COMMD1: variants seen among roughly 807,000 people sequenced by gnomAD.
COMMD1 encodes copper metabolism domain containing 1, also known as COMM domain-containing protein 1.
A neutral mutation model predicts 17.2 loss-of-function variants in COMMD1; 10 were observed. The observed-to-expected ratio is 0.58, with a 90% CI of 0.36 to 0.99. The LOEUF is 0.99. Ranked by LOEUF, COMMD1 falls within the 50% of genes least tolerant of loss-of-function variation. The probability of loss-of-function intolerance (pLI) is 0.01; values close to 1 mark genes in which losing one functional copy is unlikely to be tolerated. For synonymous variants in COMMD1, 97 were observed against 91.6 expected, an observed-to-expected ratio of 1.06 and a Z score of -0.34; for missense variants, 270 against 231.8, an observed-to-expected ratio of 1.17 and a Z score of -1.07.
At chr2:61,943,327 C>A (rs1420489441) in intron 1 of COMMD1, among the ~76,000 whole-genome samples, 1 of 152,162 alleles carries the variant, frequency 6.6e-6, no homozygotes, top group East Asian at 1.9e-4. Context: ...CTGAGAGGGA[C>A]CACTCTCCTT....
At chr2:62,056,317 A>G (rs975035446) in intron 2 of COMMD1, among the ~76,000 whole-genome samples, 10 of 152,224 alleles carry the variant, frequency 6.6e-5, no homozygotes, top group African/African-American at 2.2e-4. Context: ...CAGAGCACAC[A>G]CATCTTCTCT....
intron 1 of COMMD1, among the ~76,000 whole-genome samples, chr2:61,991,226 C>T (rs1672245619): frequency 6.6e-6 from 1 of 152,064 alleles, no homozygotes; most frequent in Non-Finnish European, 1.5e-5. Context: ...ATTAGGCAAA[C>T]AGAAATCAGC....
intron 1 of COMMD1, among the ~76,000 whole-genome samples, chr2:61,979,793 A>G (rs1256392364): frequency 3.8e-4 from 56 of 146,088 alleles, no homozygotes; most frequent in Middle Eastern, 3.3e-3. Flanking sequence ...ACATGTGCAC[A>G]TTGTGCAGGT....
chr2:61,889,202 C>CTTTTTTTTTTTT lies in COMMD1; in HGVS notation n.119+373_119+384dup, dbSNP rs34949326. On this transcript the variant is annotated intron_variant and non_coding_transcript_variant, in intron 1 of 2. Transcript: ENST00000472729. ...ACAGGCGTCAGCCACGAAGCCCGGC[C>CTTTTTTTTTTTT]TTTTTTTTTTTTTTTTTTTTTTTTG... Among the ~76,000 whole-genome samples, 4 of 54,786 alleles carry CTTTTTTTTTTTT rather than the reference C, an allele frequency of 7.3e-5. 2 individuals are homozygous for CTTTTTTTTTTTT. The highest frequency in any genetic ancestry group is 1.2e-4 in the Non-Finnish European group (4 of 32,428). The allele number at this position is 54,786 out of a possible 152,430, so 35.9% of individuals were successfully genotyped here.
At chr2:62,111,145 C>A (rs913881951) in intron 2 of COMMD1, among the ~76,000 whole-genome samples, 1 of 152,162 alleles carries the variant, frequency 6.6e-6, no homozygotes, top group Non-Finnish European at 1.5e-5. Flanking sequence ...ATTTCACTTA[C>A]AAGTTTCTCA....
At chr2:62,007,251 T>A (rs1286404304) in intron 2 of COMMD1, among the ~76,000 whole-genome samples, 1 of 152,180 alleles carries the variant, frequency 6.6e-6, no homozygotes, top group Non-Finnish European at 1.5e-5. Flanking sequence ...TATTTTCTGA[T>A]CTAGTTGTTT....
chr2:62,043,613 C>T (rs1670298242), intron 2 of COMMD1, among the ~76,000 whole-genome samples: 1 of 152,200 alleles, frequency 6.6e-6, no homozygotes, highest in South Asian at 2.1e-4. Context: ...ATTTGCCTAA[C>T]TGATTCTCTC....
chr2:62,006,818 A>G (rs928165927), intron 2 of COMMD1, among the ~76,000 whole-genome samples: 96 of 152,326 alleles, frequency 6.3e-4, no homozygotes, highest in African/African-American at 2.3e-3. Context: ...AGTAGAGATT[A>G]TGATAGAAGT....
chr2:62,041,225 T>C (rs1264037463), intron 2 of COMMD1, among the ~76,000 whole-genome samples: 2 of 152,226 alleles, frequency 1.3e-5, no homozygotes, highest in African/African-American at 4.8e-5. Context: ...TTCGTGGCTT[T>C]AGTTTATTTT....
intron 2 of COMMD1, among the ~76,000 whole-genome samples, chr2:62,083,731 T>G (rs1233696424): frequency 6.6e-6 from 1 of 152,248 alleles, no homozygotes; most frequent in Non-Finnish European, 1.5e-5. Flanking sequence ...TTTTAACAAG[T>G]TTTGCCCAAG....
At chr2:62,046,380 A>C (rs891392595) in intron 2 of COMMD1, among the ~76,000 whole-genome samples, 2 of 152,256 alleles carry the variant, frequency 1.3e-5, no homozygotes, top group Non-Finnish European at 2.9e-5. Context: ...TAGTGTGAAC[A>C]AAAGTGCTAA....
intron 1 of COMMD1, among the ~76,000 whole-genome samples, chr2:61,980,893 C>T (rs990050143): frequency 6.6e-6 from 1 of 152,154 alleles, no homozygotes; most frequent in Non-Finnish European, 1.5e-5. Flanking sequence ...ATTTGCATTT[C>T]TTTGATGATC....
chr2:61,951,374 C>T (rs1671049593), intron 1 of COMMD1, among the ~76,000 whole-genome samples: 1 of 151,458 alleles, frequency 6.6e-6, no homozygotes, highest in African/African-American at 2.4e-5. Flanking sequence ...GTACGAGAAT[C>T]ACTTGAACCT....
chr2:61,944,568 A>G (rs1670856940), intron 1 of COMMD1, among the ~76,000 whole-genome samples: 1 of 152,164 alleles, frequency 6.6e-6, no homozygotes, highest in Non-Finnish European at 1.5e-5. Context: ...ACTTCCTGTA[A>G]ACTGTCCTCA....
At chr2:62,133,246 A>G (rs1673091854) in intron 2 of COMMD1, among the ~76,000 whole-genome samples, 1 of 152,178 alleles carries the variant, frequency 6.6e-6, no homozygotes, top group Admixed American at 6.5e-5. Context: ...GTTCACTGTC[A>G]TCAGTGTAGA....
At chr2:61,982,369 A>C (rs1671977836) in intron 1 of COMMD1, among the ~76,000 whole-genome samples, 1 of 152,140 alleles carries the variant, frequency 6.6e-6, no homozygotes, top group South Asian at 2.1e-4. Flanking sequence ...TGAATGTATC[A>C]GTTGTAATGG....
chr2:62,041,321 G>A (rs756768776), intron 2 of COMMD1, among the ~76,000 whole-genome samples: 6 of 149,944 alleles, frequency 4.0e-5, no homozygotes, highest in Non-Finnish European at 5.9e-5. Context: ...TTTTTTTTTC[G>A]CTCAATAAAT....
chr2:61,888,844 T>G (rs1196105129), intron 1 of COMMD1: 1 of 341,342 alleles, frequency 2.9e-6, no homozygotes. Flanking sequence ...AGGCGAGTGG[T>G]GAGGACATCC....
intron 2 of COMMD1, among the ~76,000 whole-genome samples, chr2:62,025,849 C>T (rs775961784): frequency 5.3e-5 from 8 of 151,964 alleles, no homozygotes; most frequent in Non-Finnish European, 8.8e-5. Context: ...CTACCATGCC[C>T]GGCTAATTTT....
Sources: allele counts gnomAD v4.1 joint callset (sites outside exome capture counted in the v4.1 genomes callset), GRCh38; gene constraint gnomAD v4.1.1; transcripts MANE v1.5; gene names NCBI Gene and HGNC (gene_info 2026-07-23, HGNC 2026-07-21).